FER: variants seen among roughly 807,000 people sequenced by gnomAD.
The protein encoded by FER is FER tyrosine kinase.
In FER, 63 loss-of-function variants were observed where a neutral mutation model predicts 111.0. That is an observed-to-expected ratio of 0.57 (90% confidence interval 0.46 to 0.70). The LOEUF (loss-of-function observed/expected upper bound fraction) is 0.70, where lower values mean the gene tolerates loss of function less well. Ranked by LOEUF, FER falls within the 30% of genes least tolerant of loss-of-function variation. The probability of loss-of-function intolerance (pLI) is 0.00; values close to 1 mark genes in which losing one functional copy is unlikely to be tolerated. For synonymous variants in FER, 327 were observed against 313.9 expected, an observed-to-expected ratio of 1.04 and a Z score of -0.44; for missense variants, 914 against 954.0, an observed-to-expected ratio of 0.96 and a Z score of 0.55.
rs868559029 is a variant in FER, at chr5:109,147,810, G to T, written c.2049-32937G>T. Among the ~76,000 whole-genome samples, 281 of 140,710 alleles carry T rather than the reference G, an allele frequency of 2.0e-3. 1 individual carries two copies. The South Asian group carries it at 0.027, about 13-fold the overall frequency. The allele number at this position is 140,710 out of a possible 152,430, so 92.3% of individuals were successfully genotyped here. ...ATATATATATATATATAGAGAGAGA[G>T]AGAGAGAGAGAGAGAGACAGAGACA... On this transcript the variant is annotated intron_variant, in intron 17 of 19. Transcript: ENST00000281092.
rs73778401 is a variant in FER at position 109,021,305 on chromosome 5, G to T, written c.1657-16117G>T. Among the ~76,000 whole-genome samples the T allele has an allele frequency of 5.9e-3, 893 of 152,114 alleles. 10 individuals are homozygous for T. Among genetic ancestry groups the T allele is most frequent in the African/African-American group, 0.02 (835 of 41,524 alleles). On this transcript the variant is annotated intron_variant, in intron 13 of 19. Transcript: ENST00000281092. ...CAGGGACTATAATGTTGACTTCCCT[G>T]TGTGAAGTCTTTCTGGATGCTTCTT...
At chr5:109,037,559 C>A in intron 14 of FER, 81 bp downstream of exon 14, 1 of 1,147,606 alleles carries the variant, frequency 8.7e-7, no homozygotes, top group South Asian at 1.3e-5. Flanking sequence ...TTCCTCAAAG[C>A]TTTTCTTATA....
At chr5:108,841,460 T>C (rs148742054) in intron 5 of FER, among the ~76,000 whole-genome samples, 23 of 152,352 alleles carry the variant, frequency 1.5e-4, no homozygotes, top group African/African-American at 5.3e-4. Context: ...AACTTGTATA[T>C]ATTAGGAAAT....
At chr5:108,755,291 A>G (rs1186822982) in intron 1 of FER, among the ~76,000 whole-genome samples, 1 of 152,156 alleles carries the variant, frequency 6.6e-6, no homozygotes, top group African/African-American at 2.4e-5. Context: ...GGTCGCTGTA[A>G]TGCTTTTCTG....
In FER at chr5:109,068,910, G is replaced by C. The variant is rs184092113; in HGVS notation, c.1924+21712G>C. On this transcript the variant is annotated intron_variant, in intron 16 of 19. Coordinates refer to ENST00000281092, the MANE Select transcript of FER (RefSeq NM_005246.4). Reference sequence around the variant, plus strand: ...ATTCTTGTAATGCCTAAATATTTCAGAATAAATGATATCCAACCTTTTGAA... The same window carrying C: ...ATTCTTGTAATGCCTAAATATTTCACAATAAATGATATCCAACCTTTTGAA... Among the ~76,000 whole-genome samples, 40 of 152,264 alleles carry C rather than the reference G, an allele frequency of 2.6e-4. 1 individual carries two copies. The highest frequency in any genetic ancestry group is 7.9e-4 in the African/African-American group (33 of 41,556).
intron 13 of FER, among the ~76,000 whole-genome samples, chr5:109,023,297 C>T (rs1184172526): frequency 1.3e-5 from 2 of 152,208 alleles, no homozygotes; most frequent in Non-Finnish European, 2.9e-5. Context: ...GTTACATTTA[C>T]TGAAATAGAG....
chr5:108,756,311 A>T (rs1311618254), intron 1 of FER, among the ~76,000 whole-genome samples: 1 of 152,094 alleles, frequency 6.6e-6, no homozygotes, highest in Non-Finnish European at 1.5e-5. Context: ...CTAAGGTTTT[A>T]GAAACTTTGC....
chr5:109,123,194 C>T (rs539152802), intron 17 of FER, among the ~76,000 whole-genome samples: 20 of 135,392 alleles, frequency 1.5e-4, no homozygotes, highest in African/African-American at 2.8e-4. Context: ...CTCACTCTGT[C>T]GCCCAGGCTG....
chr5:108,997,980 AC>A lies in FER; in HGVS notation c.1656+38637del, dbSNP rs1298825186. Among the ~76,000 whole-genome samples the A allele has an allele frequency of 2.0e-5, 3 of 151,808 alleles. No individual in the cohort carries two copies. The East Asian group carries it at 5.8e-4, about 30-fold the overall frequency. On this transcript the variant is annotated intron_variant, in intron 13 of 19. Coordinates refer to ENST00000281092, the MANE Select transcript of FER (RefSeq NM_005246.4). ...AAGCTTCAGCAATGGTGGACACCTT[AC>A]CCCATACCAAGCTCCAGCATCCCAG... is the stretch of plus-strand genomic sequence containing the variant.
intron 10 of FER, among the ~76,000 whole-genome samples, chr5:108,914,580 G>A (rs953470508): frequency 2.6e-5 from 4 of 152,198 alleles, no homozygotes; most frequent in Non-Finnish European, 5.9e-5. Context: ...TGGAGAAGTA[G>A]CATGTTAAGC....
intron 5 of FER, among the ~76,000 whole-genome samples, chr5:108,844,219 ACAT>A (rs1761650242): frequency 7.0e-6 from 1 of 142,658 alleles, no homozygotes; most frequent in African/African-American, 2.6e-5. Context: ...GTATATTGTA[ACAT>A]CATAACATTT....
chr5:109,062,074 A>T (rs1774489220), intron 16 of FER, among the ~76,000 whole-genome samples: 1 of 137,610 alleles, frequency 7.3e-6, no homozygotes, highest in South Asian at 2.5e-4. Flanking sequence ...GATAAGTAAA[A>T]TCAAACAAAA....
intron 17 of FER, among the ~76,000 whole-genome samples, chr5:109,104,462 A>G (rs537744387): frequency 3.3e-5 from 5 of 152,308 alleles, no homozygotes; most frequent in East Asian, 3.9e-4. Context: ...ACCTGTCAGT[A>G]TGGGGACGAT....
intron 17 of FER, among the ~76,000 whole-genome samples, chr5:109,143,566 C>G (rs1753746999): frequency 6.6e-6 from 1 of 151,988 alleles, no homozygotes; most frequent in South Asian, 2.1e-4. Context: ...TCCGTGAACC[C>G]CATGAAAATA....
At chr5:109,085,293 A>C (rs1777438768) in intron 16 of FER, among the ~76,000 whole-genome samples, 3 of 151,692 alleles carry the variant, frequency 2.0e-5, no homozygotes, top group Admixed American at 1.3e-4. Context: ...TCCTTCTTTA[A>C]AATTTCTCCA....
chr5:109,171,603 T>C (rs1279000988), intron 17 of FER, among the ~76,000 whole-genome samples: 1 of 152,198 alleles, frequency 6.6e-6, no homozygotes, highest in Non-Finnish European at 1.5e-5. Context: ...AGGTAACTTA[T>C]TGCATCCAAG....
At chr5:109,081,838 A>G (rs1777018824) in intron 16 of FER, among the ~76,000 whole-genome samples, 1 of 151,978 alleles carries the variant, frequency 6.6e-6, no homozygotes, top group Non-Finnish European at 1.5e-5. Flanking sequence ...TCCTAAAGCA[A>G]TATTTATTAA....
At chr5:108,989,634 CTTTA>C (rs1762944282) in intron 13 of FER, among the ~76,000 whole-genome samples, 1 of 151,398 alleles carries the variant, frequency 6.6e-6, no homozygotes, top group Non-Finnish European at 1.5e-5. Context: ...TGTATTTTTT[CTTTA>C]TTTGATTACA....
chr5:108,767,393 C>A (rs1752439052), intron 1 of FER, among the ~76,000 whole-genome samples: 1 of 152,100 alleles, frequency 6.6e-6, no homozygotes. Context: ...CCTTCCCCAG[C>A]CTTTGAAAAA....
Sources: gnomAD v4.1 joint callset for allele counts (sites outside exome capture counted in the v4.1 genomes callset) on GRCh38, gnomAD v4.1.1 for gene constraint, MANE v1.5 for transcripts, NCBI Gene and HGNC (gene_info 2026-07-23, HGNC 2026-07-21) for gene names.